Variants in MALRD1 observed in about 807,000 individuals in gnomAD.
The protein encoded by MALRD1 is MAM and LDL-receptor class A domain-containing protein 1.
MALRD1 carries 247 observed loss-of-function variants against 242.1 expected under a neutral mutation model. That is an observed-to-expected ratio of 1.02 (90% CI 0.92 to 1.13). The LOEUF (loss-of-function observed/expected upper bound fraction) is 1.13. Among genes scored for constraint, MALRD1 ranks in the 50% most tolerant of loss-of-function variants. The pLI, the probability that MALRD1 is intolerant of heterozygous loss-of-function variation, is 0.00. For missense variants in MALRD1, 2,989 were observed against 2,533.1 expected, an observed-to-expected ratio of 1.18 and a Z score of -3.86; for synonymous variants, 995 against 866.6, an observed-to-expected ratio of 1.15 and a Z score of -2.60.
Position 19,352,149 on chromosome 10 carries a change from T to G in MALRD1, c.4293T>G (p.Phe1431Leu). The change falls in exon 26 of 40, where the codon TTT becomes TTG. Residue 1431 changes from phenylalanine to leucine, a missense_variant. Phe to Leu is a conservative substitution (Grantham distance 22). Coordinates refer to ENST00000454679, the MANE Select transcript of MALRD1 (RefSeq NM_001142308.3). Reference sequence around the variant, plus strand: ...GGCGGAGAGAAGAACTGTCACTGTTTGGTGATGAAGACTTCCAACTCAAAT... The same window carrying G: ...GGCGGAGAGAAGAACTGTCACTGTTGGGTGATGAAGACTTCCAACTCAAAT... ...NFWRREELSL[F>L]GDEDFQLKFE... 2 of 1,550,544 alleles carry G rather than the reference T, an allele frequency of 1.3e-6. No individual in the cohort carries two copies. Among genetic ancestry groups the G allele is most frequent in the Non-Finnish European group, 1.7e-6 (2 of 1,146,936 alleles).
intron 32 of MALRD1, among the ~76,000 whole-genome samples, chr10:19,544,818 C>T (rs887177055): frequency 6.6e-6 from 1 of 152,014 alleles, no homozygotes; most frequent in Non-Finnish European, 1.5e-5. Flanking sequence ...TTTCAATTCA[C>T]AGTATGTTAT....
intron 38 of MALRD1, among the ~76,000 whole-genome samples, chr10:19,718,107 G>A (rs891035289): frequency 2.5e-4 from 36 of 142,384 alleles, no homozygotes; most frequent in African/African-American, 9.5e-4. Flanking sequence ...AAGAGGAAGA[G>A]GAAGAAGAAG....
Position 19,280,192 on chromosome 10 carries a change from C to T in MALRD1, c.3225C>T (p.Asp1075=). Residue 1075 remains aspartate (D), a synonymous_variant, in exon 20 of 40, where the codon GAC becomes GAT. Coordinates refer to ENST00000454679, the MANE Select transcript of MALRD1 (RefSeq NM_001142308.3). ...TGCAGAAATGTGATTTTAAATATGA[C>T]TGCCCTGACAAATCAGATGAAGCAT... The part of the protein sequence containing the change: ...EKMQKCDFKY[D]CPDKSDEASC... 6.5e-7 allele frequency: 1 copy of T among 1,526,814 alleles called. No individual in the cohort carries two copies. Among genetic ancestry groups the T allele is most frequent in the Non-Finnish European group, 8.8e-7 (1 of 1,139,074 alleles). 94.6% of individuals were successfully genotyped at this position (1,526,814 alleles called of 1,614,324 possible). A position where few individuals can be genotyped will look rare whatever the true frequency, so the allele number is the denominator to read the frequency against.
chr10:19,539,891 T>C (rs1418867467), intron 32 of MALRD1, among the ~76,000 whole-genome samples: 2 of 72,470 alleles, frequency 2.8e-5, no homozygotes, highest in African/African-American at 5.0e-5. Flanking sequence ...TGTGTGTGTG[T>C]GTGTGTGCGC....
chr10:19,411,094 T>G (rs1207124840), intron 28 of MALRD1, among the ~76,000 whole-genome samples: 1 of 152,168 alleles, frequency 6.6e-6, no homozygotes, highest in Non-Finnish European at 1.5e-5. Context: ...ATCAGGCCAT[T>G]CTCTTAGGCA....
At chr10:19,605,224 G>C (rs868481112) in intron 34 of MALRD1, among the ~76,000 whole-genome samples, 1 of 150,630 alleles carries the variant, frequency 6.6e-6, no homozygotes, top group African/African-American at 2.4e-5. Context: ...GCACGATCTT[G>C]GCTCACTGTA....
In MALRD1 at chr10:19,185,752, A is replaced by G. The variant is rs147127549; in HGVS notation, c.1951+10424A>G. 4.6e-5 allele frequency among the ~76,000 whole-genome samples: 7 copies of G among 152,178 alleles called. No homozygotes were observed. In the East Asian group the frequency reaches 1.2e-3, roughly 25 times the overall value. On this transcript the variant is annotated intron_variant, in intron 14 of 39. Transcript: ENST00000454679. Reference sequence around the variant, plus strand: ...AGACTTATGTTTTCTTTTATTACATAAATGCATTAAGAGAAGGCTTGAATT... The same window carrying G: ...AGACTTATGTTTTCTTTTATTACATGAATGCATTAAGAGAAGGCTTGAATT...
chr10:19,123,420 A>G, intron 5 of MALRD1, 72 bp from the exon 6 acceptor site: 1 of 903,066 alleles, frequency 1.1e-6, no homozygotes, highest in Non-Finnish European at 1.5e-6. Context: ...GAATATTAAC[A>G]TTAAAGCAAA....
intron 31 of MALRD1, among the ~76,000 whole-genome samples, chr10:19,523,825 C>T (rs12768319): frequency 0.25 from 37,647 of 150,440 alleles, 5,147 homozygotes; most frequent in East Asian, 0.39. Context: ...ATGCATACTG[C>T]GGGGGGCGCA....
intron 28 of MALRD1, among the ~76,000 whole-genome samples, chr10:19,433,616 A>G (rs1475404129): frequency 6.6e-6 from 1 of 152,152 alleles, no homozygotes; most frequent in Non-Finnish European, 1.5e-5. Flanking sequence ...CATTAACTAT[A>G]TTGAAGATCT....
At chr10:19,211,008 G>T (rs1268145282) in intron 18 of MALRD1, among the ~76,000 whole-genome samples, 1 of 152,214 alleles carries the variant, frequency 6.6e-6, no homozygotes, top group Non-Finnish European at 1.5e-5. Context: ...GAAATGGAAA[G>T]GAAGTCCTTT....
rs1381588533 is a variant in MALRD1 at position 19,105,574 on chromosome 10, G to T, written c.694+1499G>T. On this transcript the variant is annotated intron_variant, in intron 5 of 39. Coordinates refer to ENST00000454679, the MANE Select transcript of MALRD1 (RefSeq NM_001142308.3). ...AGAAGTGGGATTGCTGAGTCATTTGGTACTTCTATTTTCAACTTTTTGAGG... is the reference window on the plus strand; with the variant it reads ...AGAAGTGGGATTGCTGAGTCATTTGTTACTTCTATTTTCAACTTTTTGAGG... Among the ~76,000 whole-genome samples the T allele has an allele frequency of 3.3e-5, 5 of 151,896 alleles. No homozygotes were observed. In the East Asian group the frequency reaches 9.6e-4, roughly 29 times the overall value.
chr10:19,259,761 C>T lies in MALRD1; in HGVS notation c.3079+1990C>T, dbSNP rs78140837. The stretch of plus-strand genomic sequence containing the variant: ...GTTTCCCACAGATGTCTATCTGACT[C>T]TCTCCCTTACTTCCTTCTGGTCTCT... On this transcript the variant is annotated intron_variant, in intron 19 of 39. Transcript: ENST00000454679. Among the ~76,000 whole-genome samples, 94 of 152,252 alleles carry T rather than the reference C, an allele frequency of 6.2e-4. 1 individual carries two copies. In the East Asian group the frequency reaches 0.015, roughly 24 times the overall value.
chr10:19,454,578 A>C (rs1835533268), intron 29 of MALRD1, among the ~76,000 whole-genome samples: 1 of 151,286 alleles, frequency 6.6e-6, no homozygotes, highest in East Asian at 1.9e-4. Flanking sequence ...TTATAAAGTC[A>C]AAAAATTGTA....
intron 5 of MALRD1, among the ~76,000 whole-genome samples, chr10:19,117,209 G>C (rs1423597694): frequency 6.6e-6 from 1 of 151,918 alleles, no homozygotes; most frequent in African/African-American, 2.4e-5. Context: ...GGGATTGAAT[G>C]CACTAAAATA....
At chr10:19,302,904 TAATAA>T (rs1181784787) in intron 21 of MALRD1, among the ~76,000 whole-genome samples, 1 of 151,564 alleles carries the variant, frequency 6.6e-6, no homozygotes, top group Non-Finnish European at 1.5e-5. Flanking sequence ...AACTAACAAC[TAATAA>T]AATAGAAAAG....
rs1346918966 is a variant in MALRD1 at position 19,146,342 on chromosome 10, A to G, written c.1556A>G (p.His519Arg). ...GCTGATCACACAGCAAACATAAATCATGGTAGGACATTTTCCTCTTTAAAA... is the reference window on the plus strand; with the variant it reads ...GCTGATCACACAGCAAACATAAATCGTGGTAGGACATTTTCCTCTTTAAAA... ...PAADHTANIN[H>R]GSFIYLEAQR... is the part of the protein sequence containing the mutation. The change falls in exon 11 of 40, where the codon CAT (histidine) becomes CGT (arginine). Residue 519 changes from histidine (H) to arginine (R), a missense_variant and splice_region_variant. Transcript: ENST00000454679. 1.1e-5 allele frequency: 14 copies of G among 1,231,034 alleles called. 1 individual carries two copies. Among genetic ancestry groups the G allele is most frequent in the Non-Finnish European group, 8.1e-6 (8 of 987,594 alleles). The allele number at this position is 1,231,034 out of a possible 1,614,324, so 76.3% of individuals were successfully genotyped here.
At chr10:19,694,420 A>G (rs1434667542) in intron 38 of MALRD1, among the ~76,000 whole-genome samples, 18 of 152,356 alleles carry the variant, frequency 1.2e-4, no homozygotes, top group Non-Finnish European at 7.3e-5. Flanking sequence ...AAGGATATGA[A>G]CAGACACTTC....
intron 33 of MALRD1, among the ~76,000 whole-genome samples, chr10:19,574,013 G>A (rs1179562376): frequency 1.3e-5 from 2 of 152,106 alleles, no homozygotes; most frequent in Non-Finnish European, 2.9e-5. Context: ...CATCCTTTTT[G>A]TCTTGACTTG....
Sources: allele counts gnomAD v4.1 joint callset (sites outside exome capture counted in the v4.1 genomes callset), GRCh38; gene constraint gnomAD v4.1.1; transcripts MANE v1.5; gene names NCBI Gene and HGNC (gene_info 2026-07-23, HGNC 2026-07-21).